BEND6: variants seen among roughly 807,000 people sequenced by gnomAD.
The protein encoded by BEND6 is BEN domain containing 6, also known as BEN domain-containing protein 6.
A neutral mutation model predicts 31.8 loss-of-function variants in BEND6; 24 were observed. The observed-to-expected ratio is 0.75, with a 90% CI of 0.55 to 1.06. The LOEUF (loss-of-function observed/expected upper bound fraction) is 1.06, where lower values mean the gene tolerates loss of function less well. BEND6 is among the 50% of genes least tolerant of loss of function. The pLI is 0.00. For synonymous variants in BEND6, 109 were observed against 114.6 expected (o/e 0.95, Z 0.31); for missense variants, 294 against 327.4 (o/e 0.90, Z 0.79).
At chr6:57,000,412 C>T (rs1826886986) in intron 3 of BEND6, among the ~76,000 whole-genome samples, 1 of 151,976 alleles carries the variant, frequency 6.6e-6, no homozygotes, top group Non-Finnish European at 1.5e-5. Context: ...GTCATCACCA[C>T]TCCCTAATCT....
intron 1 of BEND6, among the ~76,000 whole-genome samples, chr6:56,969,594 G>A (rs1295444357): frequency 6.6e-6 from 1 of 152,112 alleles, no homozygotes; most frequent in Non-Finnish European, 1.5e-5. Context: ...GAGTACTTAG[G>A]TTTTGTTGTA....
intron 3 of BEND6, among the ~76,000 whole-genome samples, chr6:57,004,293 TCTC>T (rs1827064925): frequency 6.6e-6 from 1 of 152,122 alleles, no homozygotes; most frequent in African/African-American, 2.4e-5. Flanking sequence ...CTGCCAAACA[TCTC>T]CTCGAAACGA....
chr6:56,963,713 C>G (rs1349132048), intron 1 of BEND6, among the ~76,000 whole-genome samples: 1 of 151,596 alleles, frequency 6.6e-6, no homozygotes, highest in Non-Finnish European at 1.5e-5. Context: ...AAACTCCCCT[C>G]CTACTCTCAC....
chr6:57,018,353 C>T, intron 5 of BEND6, 68 bp from the exon 6 acceptor site: 2 of 1,481,182 alleles, frequency 1.4e-6, no homozygotes, highest in South Asian at 1.4e-5. Context: ...GATGTTTTAC[C>T]TCAGTTCATA....
chr6:57,005,452 GACC>G (rs1332073271), intron 3 of BEND6, among the ~76,000 whole-genome samples: 1 of 152,036 alleles, frequency 6.6e-6, no homozygotes, highest in Non-Finnish European at 1.5e-5. Flanking sequence ...AAGGCGGGTG[GACC>G]ACCTGAGGTC....
chr6:57,021,618 TG>T (rs1827744920), intron 6 of BEND6, among the ~76,000 whole-genome samples: 2 of 152,208 alleles, frequency 1.3e-5, no homozygotes, highest in South Asian at 4.1e-4. Flanking sequence ...TTTTCCAGCC[TG>T]TCTCCATTTT....
intron 2 of BEND6, among the ~76,000 whole-genome samples, chr6:56,982,602 G>A (rs1349820568): frequency 6.6e-6 from 1 of 151,842 alleles, no homozygotes; most frequent in African/African-American, 2.4e-5. Flanking sequence ...ACATATAATT[G>A]CATATGTCTC....
chr6:56,965,767 A>G (rs1328746438), intron 1 of BEND6, among the ~76,000 whole-genome samples: 1 of 151,052 alleles, frequency 6.6e-6, no homozygotes, highest in Middle Eastern at 3.5e-3. Context: ...ATCTTTTCAT[A>G]TTATAATTGA....
intron 1 of BEND6, among the ~76,000 whole-genome samples, chr6:56,971,298 T>C (rs1825680133): frequency 6.6e-6 from 1 of 152,232 alleles, no homozygotes; most frequent in Admixed American, 6.5e-5. Flanking sequence ...TTATAGAACA[T>C]CAGAATTTCC....
intron 3 of BEND6, among the ~76,000 whole-genome samples, chr6:56,995,355 C>G (rs1484388415): frequency 1.3e-5 from 2 of 152,086 alleles, no homozygotes; most frequent in Non-Finnish European, 2.9e-5. Flanking sequence ...CCCTGTTATT[C>G]TTTCTGGATC....
At chr6:56,991,631 G>A (rs1345123681) in intron 2 of BEND6, among the ~76,000 whole-genome samples, 1 of 152,088 alleles carries the variant, frequency 6.6e-6, no homozygotes, top group East Asian at 1.9e-4. Flanking sequence ...AAAGTGCTGG[G>A]ATTACAGGTG....
Position 56,968,020 on chromosome 6 carries a change from A to G in BEND6, c.-101+12560A>G, listed in dbSNP as rs79585813. ...ACTAAATATTCAGTAAATGTTAGCT[A>G]TGTTTTTATTTTTATTAAGTGAAGG... is the stretch of plus-strand genomic sequence containing the variant. On this transcript the variant is annotated intron_variant, in intron 1 of 6. Coordinates refer to ENST00000370746, the MANE Select transcript of BEND6 (RefSeq NM_152731.3). Among the ~76,000 whole-genome samples, 1,195 of 152,322 alleles carry G rather than the reference A, an allele frequency of 7.8e-3. 22 individuals carry two copies. The highest frequency in any genetic ancestry group is 0.028 in the African/African-American group (1,145 of 41,568).
chr6:56,987,904 G>A (rs1826340274), intron 2 of BEND6, among the ~76,000 whole-genome samples: 3 of 152,000 alleles, frequency 2.0e-5, no homozygotes, highest in Admixed American at 6.6e-5. Flanking sequence ...TCTCAACACA[G>A]CTTGAATGTT....
intron 2 of BEND6, among the ~76,000 whole-genome samples, chr6:56,990,834 A>G (rs960614977): frequency 7.9e-5 from 12 of 152,292 alleles, no homozygotes; most frequent in Non-Finnish European, 1.6e-4. Context: ...ATCCTACAGG[A>G]GTCAGACAAT....
At chr6:57,007,628 A>C (rs1827205091) in intron 3 of BEND6, among the ~76,000 whole-genome samples, 1 of 152,152 alleles carries the variant, frequency 6.6e-6, no homozygotes, top group Admixed American at 6.5e-5. Flanking sequence ...TCTACAAAAA[A>C]CAAATTTTTT....
chr6:56,961,334 C>T (rs1825278890), intron 1 of BEND6, among the ~76,000 whole-genome samples: 1 of 152,164 alleles, frequency 6.6e-6, no homozygotes. Flanking sequence ...CAGGTGAGTG[C>T]TGCCACCCAA....
intron 6 of BEND6, among the ~76,000 whole-genome samples, chr6:57,025,723 A>G (rs578109675): frequency 1.3e-5 from 2 of 152,064 alleles, no homozygotes; most frequent in Non-Finnish European, 2.9e-5. Flanking sequence ...GATGCTGGGG[A>G]TATTAGGGGA....
At chr6:56,985,533 C>A (rs9382675) in intron 2 of BEND6, among the ~76,000 whole-genome samples, 29,968 of 151,972 alleles carry the variant, frequency 0.2, 3,155 homozygotes, top group Middle Eastern at 0.22. Flanking sequence ...CAGAAGAAGG[C>A]ATGCTTGTTC....
At chr6:56,988,267 C>T (rs977323499) in intron 2 of BEND6, among the ~76,000 whole-genome samples, 2 of 152,062 alleles carry the variant, frequency 1.3e-5, no homozygotes, top group Non-Finnish European at 2.9e-5. Context: ...CCGCCAGCCA[C>T]GGCCTCCCAA....
Sources: gnomAD v4.1 joint callset for allele counts (sites outside exome capture counted in the v4.1 genomes callset) on GRCh38, gnomAD v4.1.1 for gene constraint, MANE v1.5 for transcripts, NCBI Gene and HGNC (gene_info 2026-07-23, HGNC 2026-07-21) for gene names.